Variants in KCNS3 observed in about 807,000 individuals in gnomAD.
The protein encoded by KCNS3 is potassium voltage-gated channel modifier subfamily S member 3.
Under a neutral mutation model 31.0 loss-of-function variants are expected in KCNS3, and 13 were observed. That is an observed-to-expected ratio of 0.42 (90% CI 0.27 to 0.67). The LOEUF (loss-of-function observed/expected upper bound fraction) is 0.67, where lower values mean the gene tolerates loss of function less well. Ranked by LOEUF, KCNS3 falls within the 30% of genes least tolerant of loss-of-function variation. The pLI, the probability that KCNS3 is intolerant of heterozygous loss-of-function variation, is 0.25. For synonymous variants in KCNS3, 238 were observed against 241.5 expected (o/e 0.99, Z 0.13); for missense variants, 545 against 622.4 (o/e 0.88, Z 1.32).
intron 1 of KCNS3, among the ~76,000 whole-genome samples, chr2:17,915,841 T>C (rs996453950): frequency 2.0e-5 from 3 of 152,172 alleles, no homozygotes; most frequent in African/African-American, 7.2e-5. Flanking sequence ...AATCCAGTTT[T>C]TTTGGATAGG....
chr2:17,916,213 T>G (rs1662582745), intron 1 of KCNS3, among the ~76,000 whole-genome samples: 1 of 152,208 alleles, frequency 6.6e-6, no homozygotes, highest in African/African-American at 2.4e-5. Flanking sequence ...TGGAAAGGCA[T>G]CTGATAGGGA....
intron 1 of KCNS3, among the ~76,000 whole-genome samples, chr2:17,896,835 T>G (rs1662040371): frequency 1.3e-5 from 2 of 152,210 alleles, no homozygotes; most frequent in Admixed American, 6.5e-5. Flanking sequence ...CTATGCTGGC[T>G]CTCTGAAGAG....
At chr2:17,913,748 A>G (rs1292866215) in intron 1 of KCNS3, among the ~76,000 whole-genome samples, 1 of 152,120 alleles carries the variant, frequency 6.6e-6, no homozygotes, top group Non-Finnish European at 1.5e-5. Flanking sequence ...CTTATAGAGC[A>G]TTGGTTCTTA....
chr2:17,923,276 G>A (rs922181748), intron 2 of KCNS3, among the ~76,000 whole-genome samples: 1 of 152,034 alleles, frequency 6.6e-6, no homozygotes, highest in African/African-American at 2.4e-5. Context: ...TCATAGAAAT[G>A]TCTATCAAAA....
chr2:17,881,101 G>A (rs1178048134), intron 1 of KCNS3, among the ~76,000 whole-genome samples: 1 of 152,230 alleles, frequency 6.6e-6, no homozygotes, highest in Admixed American at 6.5e-5. Flanking sequence ...GCATGAGGAT[G>A]TGATGCTTGC....
chr2:17,921,462 A>G (rs1662700653), intron 2 of KCNS3, among the ~76,000 whole-genome samples: 1 of 152,326 alleles, frequency 6.6e-6, no homozygotes, highest in African/African-American at 2.4e-5. Flanking sequence ...AAAATTAACA[A>G]TGATTTTTTT....
At chr2:17,905,912 C>A (rs1226748891) in intron 1 of KCNS3, among the ~76,000 whole-genome samples, 1 of 152,138 alleles carries the variant, frequency 6.6e-6, no homozygotes, top group South Asian at 2.1e-4. Context: ...GGATATTGGT[C>A]TAAAATTCTC....
chr2:17,881,360 G>C (rs183809310), intron 1 of KCNS3, among the ~76,000 whole-genome samples: 148 of 152,354 alleles, frequency 9.7e-4, no homozygotes, highest in African/African-American at 3.5e-3. Context: ...TCATAGAGAA[G>C]AGAATAGGAT....
chr2:17,929,452 C>CT (rs1286689774), intron 2 of KCNS3, among the ~76,000 whole-genome samples: 13 of 152,178 alleles, frequency 8.5e-5, no homozygotes, highest in African/African-American at 2.9e-4. Context: ...CATGAGAACT[C>CT]TGTCACGAGA....
chr2:17,920,152 C>T (rs1182100487), intron 2 of KCNS3, among the ~76,000 whole-genome samples: 1 of 151,916 alleles, frequency 6.6e-6, no homozygotes, highest in Non-Finnish European at 1.5e-5. Flanking sequence ...GTATTTTTTT[C>T]TTTGATGAAA....
intron 1 of KCNS3, among the ~76,000 whole-genome samples, chr2:17,893,648 A>C (rs1661912368): frequency 1.3e-5 from 2 of 152,112 alleles, no homozygotes; most frequent in Admixed American, 1.3e-4. Context: ...ACTCAGCTCC[A>C]GGTAAAGTTG....
At chr2:17,908,809 G>A (rs752750139) in intron 1 of KCNS3, among the ~76,000 whole-genome samples, 19 of 152,196 alleles carry the variant, frequency 1.2e-4, no homozygotes, top group Non-Finnish European at 2.2e-4. Context: ...CTGCCTGATC[G>A]TTCCTCTGGA....
intron 1 of KCNS3, among the ~76,000 whole-genome samples, chr2:17,889,169 AT>A (rs1315321543): frequency 2.0e-5 from 3 of 151,820 alleles, no homozygotes; most frequent in Non-Finnish European, 4.4e-5. Flanking sequence ...ATTCCTAAGT[AT>A]TTTATTTTTT....
At chr2:17,905,440 A>C (rs1207000606) in intron 1 of KCNS3, among the ~76,000 whole-genome samples, 2 of 152,176 alleles carry the variant, frequency 1.3e-5, no homozygotes, top group Non-Finnish European at 2.9e-5. Context: ...TTCCTAATTG[A>C]ATACCCTTTA....
At chr2:17,903,145 T>C (rs1308340337) in intron 1 of KCNS3, among the ~76,000 whole-genome samples, 1 of 152,196 alleles carries the variant, frequency 6.6e-6, no homozygotes, top group Non-Finnish European at 1.5e-5. Flanking sequence ...TCATACAGAA[T>C]GGAAGCAGCC....
At chr2:17,911,561 T>C (rs746118378) in intron 1 of KCNS3, among the ~76,000 whole-genome samples, 1 of 152,204 alleles carries the variant, frequency 6.6e-6, no homozygotes, top group Non-Finnish European at 1.5e-5. Flanking sequence ...AATGTTGAGA[T>C]GTAGAGAGTA....
At chr2:17,930,265 T>C (rs546623192) in intron 2 of KCNS3, among the ~76,000 whole-genome samples, 1 of 152,330 alleles carries the variant, frequency 6.6e-6, no homozygotes, top group South Asian at 2.1e-4. Flanking sequence ...GTTCTTTTCA[T>C]GTGGATGTTC....
intron 1 of KCNS3, among the ~76,000 whole-genome samples, chr2:17,881,801 T>G (rs2125229522): frequency 6.6e-6 from 1 of 152,328 alleles, no homozygotes; most frequent in East Asian, 1.9e-4. Context: ...AGAGGGGGCT[T>G]ACAGTTACCA....
intron 1 of KCNS3, among the ~76,000 whole-genome samples, chr2:17,906,261 G>A (rs1662311798): frequency 6.6e-6 from 1 of 152,214 alleles, no homozygotes; most frequent in African/African-American, 2.4e-5. Flanking sequence ...GATGTTTATA[G>A]TATTCTCTGA....
Sources: allele counts gnomAD v4.1 joint callset (sites outside exome capture counted in the v4.1 genomes callset), GRCh38; gene constraint gnomAD v4.1.1; transcripts MANE v1.5; gene names NCBI Gene and HGNC (gene_info 2026-07-23, HGNC 2026-07-21).